The following PRKCH variants were observed in gnomAD, a reference collection of about 807,000 sequenced individuals.
PRKCH encodes protein kinase C eta type.
PRKCH carries 28 observed loss-of-function variants against 82.5 expected under a neutral mutation model. The ratio of observed to expected loss-of-function variants is 0.34; its 90% CI spans 0.25 to 0.47. The LOEUF is 0.47. PRKCH is among the 20% of genes least tolerant of loss of function. The pLI, the probability that PRKCH is intolerant of heterozygous loss-of-function variation, is 1.00. For missense variants in PRKCH, 705 were observed against 881.8 expected, an observed-to-expected ratio of 0.80 and a Z score of 2.54; for synonymous variants, 322 against 327.4, an observed-to-expected ratio of 0.98 and a Z score of 0.18.
intron 4 of PRKCH, among the ~76,000 whole-genome samples, chr14:61,447,736 G>C (rs759060237): frequency 3.3e-5 from 5 of 152,120 alleles, no homozygotes; most frequent in Non-Finnish European, 7.4e-5. Context: ...AAAATATTTA[G>C]AGTCAAGTGA....
intron 1 of PRKCH, chr14:61,390,964 G>A (rs1182214733): frequency 8.5e-6 from 3 of 352,120 alleles, no homozygotes; most frequent in Middle Eastern, 1.7e-3. Flanking sequence ...GGATGTGCCT[G>A]TCTATATTAT....
chr14:61,237,790 C>T (rs1473279592), intron 1 of PRKCH, among the ~76,000 whole-genome samples: 1 of 152,196 alleles, frequency 6.6e-6, no homozygotes, highest in Non-Finnish European at 1.5e-5. Context: ...TCCTGTGTCT[C>T]CCTAAAATGT....
At chr14:61,402,807 GA>G (rs1881709269) in intron 2 of PRKCH, among the ~76,000 whole-genome samples, 1 of 147,058 alleles carries the variant, frequency 6.8e-6, no homozygotes, top group Non-Finnish European at 1.5e-5. Context: ...CAAAAAAAAA[GA>G]AAAAAAGAAA....
intron 1 of PRKCH, among the ~76,000 whole-genome samples, chr14:61,388,130 A>G (rs1437267508): frequency 2.7e-5 from 4 of 147,644 alleles, no homozygotes; most frequent in Non-Finnish European, 3.0e-5. Flanking sequence ...CCTGGGTGAC[A>G]GAGCGAGACT....
intron 1 of PRKCH, among the ~76,000 whole-genome samples, chr14:61,344,654 C>A (rs1299355890): frequency 3.3e-5 from 5 of 152,040 alleles, no homozygotes; most frequent in Non-Finnish European, 7.4e-5. Flanking sequence ...ACACTTGGGT[C>A]TGTAGTCAGC....
chr14:61,360,724 A>G (rs904784713), intron 1 of PRKCH, among the ~76,000 whole-genome samples: 38 of 152,304 alleles, frequency 2.5e-4, no homozygotes, highest in African/African-American at 9.1e-4. Context: ...TACCCAACCC[A>G]CTTGGCTTCC....
chr14:61,249,221 C>T (rs117503505), intron 1 of PRKCH, among the ~76,000 whole-genome samples: 2,202 of 152,262 alleles, frequency 0.014, 20 homozygotes, highest in Middle Eastern at 0.038. Context: ...CACCTATCCC[C>T]ACTTAGGTCT....
rs71117807 is a variant in PRKCH, at chr14:61,281,870, C to CTTTTTTTTTTTTTTTTTTTTTTT, written c.-19+94211_-19+94233dup. Reference sequence around the variant, plus strand: ...TTCAACGCCTGCGTTCAAATTTTAGCTTTTTTTTTTTTTTTTTTTTTTTTT... The same window carrying CTTTTTTTTTTTTTTTTTTTTTTT: ...TTCAACGCCTGCGTTCAAATTTTAGCTTTTTTTTTTTTTTTTTTTTTTTTTTTTTTTTTTTTTTTTTTTTTTTT... On this transcript the variant is annotated intron_variant, in intron 1 of 3. Coordinates refer to the PRKCH transcript ENST00000555185. The CTTTTTTTTTTTTTTTTTTTTTTT allele has an allele frequency of 2.1e-5, 2 of 94,866 alleles. 1 individual carries two copies. Among genetic ancestry groups the CTTTTTTTTTTTTTTTTTTTTTTT allele is most frequent in the African/African-American group, 1.0e-4 (2 of 19,876 alleles). The allele number at this position is 94,866 out of a possible 1,614,324, so 5.9% of individuals were successfully genotyped here. A position where few individuals can be genotyped will look rare whatever the true frequency, so the allele number is the denominator to read the frequency against.
chr14:61,529,787 G>C (rs1005291913), intron 11 of PRKCH, among the ~76,000 whole-genome samples: 4 of 147,424 alleles, frequency 2.7e-5, no homozygotes, highest in Admixed American at 2.7e-4. Context: ...GATAGCATTG[G>C]GAGATATACC....
intron 1 of PRKCH, among the ~76,000 whole-genome samples, chr14:61,351,440 C>T (rs534888981): frequency 2.0e-5 from 3 of 152,282 alleles, no homozygotes; most frequent in African/African-American, 4.8e-5. Flanking sequence ...AAAAGGCAGA[C>T]TGATTTTTGG....
intron 12 of PRKCH, among the ~76,000 whole-genome samples, chr14:61,533,679 C>T (rs950467180): frequency 5.9e-5 from 9 of 152,316 alleles, no homozygotes; most frequent in African/African-American, 2.2e-4. Context: ...TTCTTCCATG[C>T]CTCAGCAGGT....
At chr14:61,540,560 A>C (rs1436167211) in intron 12 of PRKCH, among the ~76,000 whole-genome samples, 1 of 152,224 alleles carries the variant, frequency 6.6e-6, no homozygotes, top group African/African-American at 2.4e-5. Context: ...AATAATAACC[A>C]CAGTTGCTTT....
At chr14:61,263,054 T>C (rs563696286) in intron 1 of PRKCH, among the ~76,000 whole-genome samples, 2 of 152,344 alleles carry the variant, frequency 1.3e-5, no homozygotes, top group South Asian at 4.1e-4. Flanking sequence ...TTTGCTAGTT[T>C]TATTTAGTTG....
rs35134897 is a variant in PRKCH at position 61,481,990 on chromosome 14, CTTTTTT to C, written c.1279-3494_1279-3489del. ...GATGTGTGGGTCTTCTTTCCTTTTCCTTTTTTTTTTTTTTTTTTTTTTTGAGACAGA... is the reference window on the plus strand; with the variant it reads ...GATGTGTGGGTCTTCTTTCCTTTTCCTTTTTTTTTTTTTTTTTGAGACAGA... On this transcript the variant is annotated intron_variant, in intron 9 of 13. Transcript: ENST00000332981. 7.9e-5 allele frequency among the ~76,000 whole-genome samples: 8 copies of C among 101,074 alleles called. No homozygotes were observed. In the East Asian group the frequency reaches 1.9e-3, roughly 24 times the overall value. 66.3% of individuals were successfully genotyped at this position (101,074 alleles called of 152,430 possible).
At chr14:61,262,844 T>C (rs1359578954) in intron 1 of PRKCH, among the ~76,000 whole-genome samples, 2 of 152,146 alleles carry the variant, frequency 1.3e-5, no homozygotes, top group Non-Finnish European at 2.9e-5. Flanking sequence ...TAAGGATACA[T>C]ATGAATGTAT....
intron 1 of PRKCH, among the ~76,000 whole-genome samples, chr14:61,294,629 G>A (rs181035728): frequency 6.6e-6 from 1 of 152,058 alleles, no homozygotes; most frequent in African/African-American, 2.4e-5. Context: ...GATGAGAATT[G>A]AATATATTGT....
At chr14:61,285,843 T>C (rs2140095805) in intron 1 of PRKCH, among the ~76,000 whole-genome samples, 1 of 152,288 alleles carries the variant, frequency 6.6e-6, no homozygotes, top group East Asian at 1.9e-4. Context: ...GCATATTTCC[T>C]CCTCAAAAAA....
chr14:61,487,823 A>G (rs1886289693), intron 10 of PRKCH, among the ~76,000 whole-genome samples: 1 of 47,318 alleles, frequency 2.1e-5, no homozygotes, highest in South Asian at 1.1e-3. Context: ...GGAGACCCCT[A>G]TCTCTACAAA....
intron 10 of PRKCH, among the ~76,000 whole-genome samples, chr14:61,514,616 C>A (rs1262937308): frequency 3.9e-5 from 6 of 152,148 alleles, no homozygotes; most frequent in Non-Finnish European, 8.8e-5. Context: ...CCCCCCACAT[C>A]CTCCCTAATC....
Sources: gnomAD v4.1 joint callset for allele counts (sites outside exome capture counted in the v4.1 genomes callset) on GRCh38, gnomAD v4.1.1 for gene constraint, MANE v1.5 for transcripts, NCBI Gene and HGNC (gene_info 2026-07-23, HGNC 2026-07-21) for gene names.